The following ZSCAN12 variants were observed in gnomAD, a reference collection of about 807,000 sequenced individuals.
ZSCAN12 encodes the protein zinc finger and SCAN domain containing 12, also known as zinc finger and SCAN domain-containing protein 12.
Under a neutral mutation model 23.4 loss-of-function variants are expected in ZSCAN12, and 18 were observed. The ratio of observed to expected loss-of-function variants is 0.77; its 90% confidence interval spans 0.53 to 1.14. The LOEUF (loss-of-function observed/expected upper bound fraction) is 1.14. Among genes scored for constraint, ZSCAN12 ranks in the 50% most tolerant of loss-of-function variants. ZSCAN12 has a pLI of 0.00. For missense variants in ZSCAN12, 650 were observed against 735.0 expected, an observed-to-expected ratio of 0.88 and a Z score of 1.34; for synonymous variants, 186 against 253.4, an observed-to-expected ratio of 0.73 and a Z score of 2.53.
intron 1 of ZSCAN12, among the ~76,000 whole-genome samples, chr6:28,399,015 C>T (rs1190871096): frequency 6.6e-6 from 1 of 151,316 alleles, no homozygotes; most frequent in Non-Finnish European, 1.5e-5. Context: ...AAGAGTAAGA[C>T]TTGTTGGTAA....
chr6:28,384,040 G>A (rs956346094), downstream of ZSCAN12, among the ~76,000 whole-genome samples: 1 of 137,498 alleles, frequency 7.3e-6, no homozygotes. Context: ...TACATAGGAG[G>A]AAACTGAGGG....
At chr6:28,381,000 C>G (rs972046138), downstream of ZSCAN12, 5 of 152,194 alleles carry the variant, frequency 3.3e-5, no homozygotes, top group Admixed American at 6.5e-5. Context: ...AGTCTCTAAA[C>G]AAGCATCTCA....
intron 2 of ZSCAN12, among the ~76,000 whole-genome samples, chr6:28,396,676 C>T (rs1761123122): frequency 6.6e-6 from 1 of 152,222 alleles, no homozygotes; most frequent in East Asian, 1.9e-4. Flanking sequence ...ACAATCTCGG[C>T]TCACTGCAAC....
downstream of ZSCAN12, chr6:28,380,388 T>G (rs577695866): frequency 1.3e-5 from 2 of 152,390 alleles, no homozygotes; most frequent in South Asian, 4.1e-4. Flanking sequence ...TCATGTTTAT[T>G]GTGCAGATTC....
chr6:28,382,518 A>G, downstream of ZSCAN12: 1 of 1,551,994 alleles, frequency 6.4e-7, no homozygotes, highest in Non-Finnish European at 8.7e-7. Flanking sequence ...CAAGATTGCC[A>G]TTCTGGAATG....
chr6:28,394,436 C>T (rs2113990592), intron 2 of ZSCAN12, among the ~76,000 whole-genome samples: 1 of 152,230 alleles, frequency 6.6e-6, no homozygotes, highest in South Asian at 2.1e-4. Context: ...ATTTTGTAGC[C>T]TCAGTCTTCA....
At chr6:28,393,151 T>TA in intron 2 of ZSCAN12, 105 bp from the exon 3 acceptor site, 1 of 1,243,932 alleles carries the variant, frequency 8.0e-7, no homozygotes, top group Non-Finnish European at 1.1e-6. Flanking sequence ...TTTTCCCAGA[T>TA]ATAAGCCTGC....
chr6:28,394,128 C>T (rs1760995662), intron 2 of ZSCAN12, among the ~76,000 whole-genome samples: 1 of 152,172 alleles, frequency 6.6e-6, no homozygotes. Context: ...GGCTCCCATT[C>T]TTCCATGGGC....
intron 3 of ZSCAN12, 105 bp downstream of exon 3, chr6:28,392,797 C>T: frequency 7.7e-7 from 1 of 1,300,674 alleles, no homozygotes; most frequent in Non-Finnish European, 1.0e-6. Context: ...TCTGAGACGG[C>T]CTTTTTGACT....
At position 28,385,190 on chromosome 6, in the gene ZSCAN12, A is replaced by G. The variant is rs1369033795; in HGVS notation, c.*5264T>C. On this transcript the variant is annotated 3_prime_UTR_variant, in exon 4 of 4. Coordinates refer to ENST00000684592, the MANE Select transcript of ZSCAN12 (RefSeq NM_001163391.2). Reference sequence around the variant, plus strand: ...TCAACACTTGGGGACAAATCTTTAAATCTTTCTGTATTAAATTAGACAGCC... The same window carrying G: ...TCAACACTTGGGGACAAATCTTTAAGTCTTTCTGTATTAAATTAGACAGCC... Among the ~76,000 whole-genome samples, 1 of 152,228 alleles carries G rather than the reference A, an allele frequency of 6.6e-6. No individual in the cohort carries two copies. The highest frequency in any genetic ancestry group is 2.4e-5 in the African/African-American group (1 of 41,458).
In ZSCAN12 at chr6:28,388,312, CAAG is replaced by C. The variant is rs546913221; in HGVS notation, c.*2139_*2141del. Among the ~76,000 whole-genome samples the C allele has an allele frequency of 3.2e-4, 49 of 152,252 alleles. No homozygotes were observed. In the South Asian group the frequency reaches 7.9e-3, roughly 25 times the overall value. On this transcript the variant is annotated 3_prime_UTR_variant, in exon 4 of 4. Transcript: ENST00000684592. ...CATTTGCCTTTCTCTCTTGTGAACTCAAGAAGGTTTTTCCACACAGAAAGTCAT... is the reference window on the plus strand; with the variant it reads ...CATTTGCCTTTCTCTCTTGTGAACTCAAGGTTTTTCCACACAGAAAGTCAT...
Position 28,391,762 on chromosome 6 carries a change from G to A in ZSCAN12, c.548-20C>T. 1.4e-6 allele frequency: 2 copies of A among 1,475,860 alleles called. No homozygotes were observed. The highest frequency in any genetic ancestry group is 9.0e-7 in the Non-Finnish European group (1 of 1,115,642). 91.4% of individuals were successfully genotyped at this position (1,475,860 alleles called of 1,614,324 possible). On this transcript the variant is annotated intron_variant, in intron 3 of 3. Transcript: ENST00000684592. The surrounding 1 kb of genome is among the most constrained non-coding windows in gnomAD (Gnocchi z 4.1). The stretch of plus-strand genomic sequence containing the variant: ...CTAAAACTAAGAAGGGATCATAAAT[G>A]TTACCTCTTTCTACCTTTAAAATGT...
Position 28,387,068 on chromosome 6 carries a change from G to A in ZSCAN12, c.*3386C>T, listed in dbSNP as rs1410142510. On this transcript the variant is annotated 3_prime_UTR_variant, in exon 4 of 4. Transcript: ENST00000684592. ...TCTCAACCTCCTGACCTCGTGATCCGCCCACCTCGGCCTCCCAAAGTGCTG... is the reference window on the plus strand; with the variant it reads ...TCTCAACCTCCTGACCTCGTGATCCACCCACCTCGGCCTCCCAAAGTGCTG... Among the ~76,000 whole-genome samples the A allele has an allele frequency of 6.6e-6, 1 of 152,040 alleles. No homozygotes were observed. The highest frequency in any genetic ancestry group is 1.5e-5 in the Non-Finnish European group (1 of 68,010).
At chr6:28,395,021 G>C (rs1430282610) in intron 2 of ZSCAN12, among the ~76,000 whole-genome samples, 1 of 151,814 alleles carries the variant, frequency 6.6e-6, no homozygotes, top group Non-Finnish European at 1.5e-5. Flanking sequence ...TGCAACTTCC[G>C]ACTCCTGGGT....
At chr6:28,380,181 G>A (rs1581753575), downstream of ZSCAN12, 6 of 152,268 alleles carry the variant, frequency 3.9e-5, no homozygotes, top group South Asian at 1.2e-3. Flanking sequence ...ATACTGTGGA[G>A]GCTCCCTTGT....
chr6:28,390,782 C>T lies in ZSCAN12; in HGVS notation c.1508G>A (p.Gly503Glu). Residue 503 changes from glycine (G) to glutamate (E), a missense_variant, in exon 4 of 4, where the codon GGG (glycine) becomes GAG (glutamate). Gly to Glu is a moderately conservative substitution (Grantham distance 98). Transcript: ENST00000684592. ...GACTGATCTTTGAGTAAACGCCTTC[C>T]CACACTTATCACATTTATAGGGTCT... is the stretch of plus-strand genomic sequence containing the variant. ...GERPYKCDKC[G>E]KAFTQRSVLT... 6.2e-7 allele frequency: 1 copy of T among 1,603,340 alleles called. No individual in the cohort carries two copies. The highest frequency in any genetic ancestry group is 8.5e-7 in the Non-Finnish European group (1 of 1,174,474).
intron 2 of ZSCAN12, among the ~76,000 whole-genome samples, chr6:28,396,724 C>T (rs758913777): frequency 6.6e-5 from 10 of 152,144 alleles, no homozygotes; most frequent in Non-Finnish European, 1.3e-4. Flanking sequence ...CCTGCTTCAG[C>T]CTACCAAGTA....
At position 28,398,366 on chromosome 6, in the gene ZSCAN12, C is replaced by G. The variant is rs199885961; in HGVS notation, c.40G>C (p.Asp14His). 1.3e-6 allele frequency: 2 copies of G among 1,551,488 alleles called. No individual in the cohort carries two copies. The highest frequency in any genetic ancestry group is 1.4e-5 in the African/African-American group (1 of 73,010). ...TWAIQAHMDQ[D>H]EPLEVKIEEE... ...TCTATCTTTACTTCCAAAGGTTCAT[C>G]CTGGTCCATGTGGGCCTGGATAGCC... The change falls in exon 2 of 4, where the codon GAT (aspartate) becomes CAT (histidine). Residue 14 changes from aspartate (D) to histidine (H), a missense_variant. Physicochemically the swap from Asp to His is moderately conservative, Grantham distance 81 (BLOSUM62 -1). Transcript: ENST00000684592.
At chr6:28,397,743 CTT>C (rs943023497) in intron 2 of ZSCAN12, among the ~76,000 whole-genome samples, 4 of 152,110 alleles carry the variant, frequency 2.6e-5, no homozygotes, top group African/African-American at 7.2e-5. Context: ...GATACTTTCT[CTT>C]GTCTTAGAAG....
Sources: gnomAD v4.1 joint callset for allele counts (sites outside exome capture counted in the v4.1 genomes callset) on GRCh38, gnomAD v4.1.1 for gene constraint, Gnocchi (gnomAD v3.1) non-coding constraint, MANE v1.5 for transcripts, NCBI Gene and HGNC (gene_info 2026-07-23, HGNC 2026-07-21) for gene names.